NUP210L: variants seen among roughly 807,000 people sequenced by gnomAD.
NUP210L encodes nuclear pore membrane glycoprotein 210-like.
In NUP210L, 74 loss-of-function variants were observed where a neutral mutation model predicts 208.5. That is an observed-to-expected ratio of 0.35 (90% CI 0.29 to 0.43). NUP210L has a LOEUF of 0.43. Among genes scored for constraint, NUP210L ranks in the 20% least tolerant of loss-of-function variants. The pLI is 1.00. For synonymous variants in NUP210L, 780 were observed against 816.9 expected (o/e 0.95, Z 0.77); for missense variants, 1,843 against 2,289.4 (o/e 0.81, Z 3.98).
rs971362909 is a variant in NUP210L, at chr1:154,118,913, C to T, written c.1327-105G>A. 12 of 561,200 alleles carry T rather than the reference C, an allele frequency of 2.1e-5. No individual in the cohort carries two copies. The African/African-American group carries it at 2.3e-4, about 11-fold the overall frequency. 34.8% of individuals were successfully genotyped at this position (561,200 alleles called of 1,614,324 possible). On this transcript the variant is annotated intron_variant, in intron 10 of 39. Transcript: ENST00000368559. ...AGCAAAATGGTATGCTCATAAATTA[C>T]TCAACCAGTTTCTATCTATAAAAGA... is the stretch of plus-strand genomic sequence containing the variant.
At chr1:154,077,572 A>G (rs1250088908) in intron 16 of NUP210L, among the ~76,000 whole-genome samples, 1 of 152,194 alleles carries the variant, frequency 6.6e-6, no homozygotes, top group Non-Finnish European at 1.5e-5. Flanking sequence ...AGGTCACTAG[A>G]CAATAGCTTG....
chr1:154,046,200 T>C, exon 27 of NUP210L: 2 of 1,614,084 alleles, frequency 1.2e-6, no homozygotes, highest in Non-Finnish European at 1.7e-6. Flanking sequence ...TAAACTGGCA[T>C]CTGAAAATAA....
At chr1:154,121,864 CAA>C (rs1247137861) in intron 10 of NUP210L, among the ~76,000 whole-genome samples, 3 of 128,148 alleles carry the variant, frequency 2.3e-5, no homozygotes, top group Non-Finnish European at 1.7e-5. Context: ...GACTCCATCT[CAA>C]AAAAAAAAAG....
chr1:154,096,995 C>T lies in NUP210L; in HGVS notation c.1966-1839G>A, dbSNP rs1372070084. The stretch of plus-strand genomic sequence containing the variant: ...ACTTGGGAGGCTGAGGCACAAGAAT[C>T]GCTTGAACCTAGGGGGTGGAGGTTG... On this transcript the variant is annotated intron_variant, in intron 14 of 39. Coordinates refer to ENST00000368559, the Ensembl canonical transcript of NUP210L. Among the ~76,000 whole-genome samples the T allele has an allele frequency of 4.6e-5, 7 of 152,154 alleles. No homozygotes were observed. The South Asian group carries it at 6.2e-4, about 14-fold the overall frequency.
At chr1:154,080,629 G>A (rs1309421032) in intron 16 of NUP210L, among the ~76,000 whole-genome samples, 1 of 151,852 alleles carries the variant, frequency 6.6e-6, no homozygotes, top group Non-Finnish European at 1.5e-5. Flanking sequence ...AGGTTGCAGG[G>A]AGCAGAGATG....
At chr1:154,058,542 G>C (rs1335077055) in intron 21 of NUP210L, 23 bp downstream of exon 21, 1 of 1,606,392 alleles carries the variant, frequency 6.2e-7, no homozygotes, top group Non-Finnish European at 8.5e-7. Context: ...CTTAATTTCT[G>C]AGATAAAACA....
At chr1:154,149,919 A>T (rs1478155373) in intron 2 of NUP210L, among the ~76,000 whole-genome samples, 2 of 152,156 alleles carry the variant, frequency 1.3e-5, no homozygotes, top group Non-Finnish European at 2.9e-5. Context: ...TGCCCTGTGA[A>T]CTTTTTCACC....
At chr1:154,002,586 C>A (rs1457960832) in intron 35 of NUP210L, among the ~76,000 whole-genome samples, 2 of 151,924 alleles carry the variant, frequency 1.3e-5, no homozygotes, top group African/African-American at 4.8e-5. Flanking sequence ...GATCACACCA[C>A]TGCATTCCAG....
chr1:154,083,878 G>T (rs771552692), intron 16 of NUP210L, among the ~76,000 whole-genome samples: 18 of 151,802 alleles, frequency 1.2e-4, no homozygotes, highest in Non-Finnish European at 2.2e-4. Flanking sequence ...GGGGGATGAG[G>T]AACCTTTAAT....
chr1:154,054,676 T>TA, intron 24 of NUP210L, 94 bp downstream of exon 24: 1 of 965,342 alleles, frequency 1.0e-6, no homozygotes, highest in Non-Finnish European at 1.6e-6. Context: ...TGAGAGTAAA[T>TA]AAGAGATCAA....
chr1:154,049,132 T>C (rs1330357382), intron 25 of NUP210L, among the ~76,000 whole-genome samples: 1 of 152,196 alleles, frequency 6.6e-6, no homozygotes, highest in African/African-American at 2.4e-5. Flanking sequence ...GTGTGGCCAA[T>C]TCAACCCGCT....
At chr1:154,082,200 T>G (rs541010146) in intron 16 of NUP210L, among the ~76,000 whole-genome samples, 1 of 152,076 alleles carries the variant, frequency 6.6e-6, no homozygotes, top group Non-Finnish European at 1.5e-5. Context: ...ATTACCAAAC[T>G]TGTTGGTCAT....
chr1:154,145,864 A>G (rs1446513182), intron 2 of NUP210L, among the ~76,000 whole-genome samples: 1 of 152,154 alleles, frequency 6.6e-6, no homozygotes, highest in African/African-American at 2.4e-5. Context: ...AGGGCCTAGA[A>G]GCAGTGGATA....
Position 153,995,280 on chromosome 1 carries a change from C to G in NUP210L, c.5387-100G>C, listed in dbSNP as rs77902257. On this transcript the variant is annotated intron_variant, in intron 37 of 39. Transcript: ENST00000368559. ...ATTTTTTTTGAGACAGAGTTTTACT[C>G]TCACTCTGTCCCCCAGGCTGGAGGG... 5.6e-3 allele frequency: 4,464 copies of G among 800,176 alleles called. 150 individuals carry two copies. In the African/African-American group the frequency reaches 0.067, roughly 12 times the overall value. 49.6% of individuals were successfully genotyped at this position (800,176 alleles called of 1,614,324 possible).
chr1:154,055,118 C>CTTTCT (rs1362520141), intron 23 of NUP210L, among the ~76,000 whole-genome samples: 24 of 134,454 alleles, frequency 1.8e-4, no homozygotes, highest in Middle Eastern at 3.8e-3. Flanking sequence ...CTTTCTCTTT[C>CTTTCT]TTTCTTTTCT....
chr1:154,086,242 G>GAA (rs1293977707), intron 16 of NUP210L, among the ~76,000 whole-genome samples: 5 of 149,006 alleles, frequency 3.4e-5, no homozygotes, highest in Non-Finnish European at 5.9e-5. Context: ...GAAAAGAAAA[G>GAA]AAAAAAACAA....
chr1:154,070,507 C>A, intron 16 of NUP210L, 42 bp from the exon 17 acceptor site: 2 of 1,300,222 alleles, frequency 1.5e-6, no homozygotes, highest in South Asian at 3.2e-5. Context: ...ATTTAAAAAT[C>A]AATAGCCTAA....
At chr1:154,050,677 G>T (rs1046408669) in intron 25 of NUP210L, among the ~76,000 whole-genome samples, 1 of 152,130 alleles carries the variant, frequency 6.6e-6, no homozygotes, top group Non-Finnish European at 1.5e-5. Context: ...TTTATAAATA[G>T]TCTTTCTTGG....
intron 10 of NUP210L, among the ~76,000 whole-genome samples, chr1:154,124,122 G>A (rs1017611756): frequency 2.6e-5 from 4 of 151,806 alleles, no homozygotes; most frequent in Admixed American, 2.6e-4. Flanking sequence ...AGGAGGCGGA[G>A]GTTGCAGTGA....
Sources: allele counts gnomAD v4.1 joint callset (sites outside exome capture counted in the v4.1 genomes callset), GRCh38; gene constraint gnomAD v4.1.1; transcripts MANE v1.5; gene names NCBI Gene and HGNC (gene_info 2026-07-23, HGNC 2026-07-21).